Variants in SEPTIN11 observed in about 807,000 individuals in gnomAD.
SEPTIN11 encodes septin-11.
Under a neutral mutation model 51.4 loss-of-function variants are expected in SEPTIN11, and 25 were observed. That is an observed-to-expected ratio of 0.49 (90% CI 0.35 to 0.68). The LOEUF (loss-of-function observed/expected upper bound fraction) is 0.68. SEPTIN11 is among the 30% of genes least tolerant of loss of function. SEPTIN11 has a pLI of 0.00. For missense variants in SEPTIN11, 381 were observed against 520.8 expected, an observed-to-expected ratio of 0.73 and a Z score of 2.61; for synonymous variants, 174 against 184.1, an observed-to-expected ratio of 0.95 and a Z score of 0.44.
intron 1 of SEPTIN11, chr4:76,974,744 G>C: frequency 2.2e-6 from 1 of 456,712 alleles, no homozygotes; most frequent in Non-Finnish European, 4.4e-6. Context: ...CACTGTTGGA[G>C]CTGGGCTGCA....
chr4:77,008,025 T>C (rs906113570), intron 3 of SEPTIN11, among the ~76,000 whole-genome samples: 1 of 152,272 alleles, frequency 6.6e-6, no homozygotes, highest in Non-Finnish European at 1.5e-5. Context: ...AGTTTGTTTA[T>C]GTAGGCTTTG....
intron 3 of SEPTIN11, among the ~76,000 whole-genome samples, chr4:77,010,864 G>C (rs994116080): frequency 6.6e-6 from 1 of 152,218 alleles, no homozygotes; most frequent in Non-Finnish European, 1.5e-5. Flanking sequence ...GAAAGAATTA[G>C]TGGGTTTCCC....
At chr4:77,030,040 C>T (rs953156605) in intron 8 of SEPTIN11, among the ~76,000 whole-genome samples, 1 of 151,844 alleles carries the variant, frequency 6.6e-6, no homozygotes, top group African/African-American at 2.4e-5. Context: ...GGGAGGATCA[C>T]GAGGTCAGGA....
chr4:77,039,157 T>A (rs926592744), downstream of SEPTIN11: 33 of 1,280,556 alleles, frequency 2.6e-5, no homozygotes, highest in Non-Finnish European at 3.3e-5. Flanking sequence ...AGCTGTCTGT[T>A]CACACGTGTT....
rs1473564627 is a variant in SEPTIN11, at chr4:77,034,562, A to G, written c.*50A>G. The stretch of plus-strand genomic sequence containing the variant: ...CGCATTCACCTGCTTTTGCAGTAAT[A>G]TCGTATCTCTGCCATGTGTGTTCTT... On this transcript the variant is annotated 3_prime_UTR_variant, in exon 10 of 10. Transcript: ENST00000264893. The G allele has an allele frequency of 6.6e-7, 1 of 1,511,364 alleles. No individual in the cohort carries two copies. The allele number at this position is 1,511,364 out of a possible 1,614,324, so 93.6% of individuals were successfully genotyped here. A position where few individuals can be genotyped will look rare whatever the true frequency, so the allele number is the denominator to read the frequency against.
At chr4:76,955,888 G>T (rs1721537924) in intron 1 of SEPTIN11, among the ~76,000 whole-genome samples, 1 of 152,160 alleles carries the variant, frequency 6.6e-6, no homozygotes, top group African/African-American at 2.4e-5. Context: ...TATTTTCTTA[G>T]ACCTAAGCAA....
At chr4:77,026,943 A>G (rs928591519) in intron 7 of SEPTIN11, among the ~76,000 whole-genome samples, 1 of 152,192 alleles carries the variant, frequency 6.6e-6, no homozygotes, top group Admixed American at 6.5e-5. Context: ...ATTGCTATTA[A>G]TATTAGCCAA....
downstream of SEPTIN11, chr4:77,039,119 A>C: frequency 7.8e-7 from 1 of 1,289,048 alleles, no homozygotes; most frequent in Non-Finnish European, 1.0e-6. Flanking sequence ...ACTCTCTCCT[A>C]ATGGACATAG....
chr4:77,011,649 G>A, intron 3 of SEPTIN11, 86 bp from the exon 4 acceptor site: 3 of 1,299,990 alleles, frequency 2.3e-6, no homozygotes, highest in South Asian at 2.6e-5. Context: ...TAGCCCTTAG[G>A]AGAGAAGAAG....
In SEPTIN11 at chr4:76,984,241, G is replaced by C. The variant is rs1722913333; in HGVS notation, c.28-12184G>C. Among the ~76,000 whole-genome samples the C allele has an allele frequency of 6.6e-6, 1 of 152,180 alleles. No individual in the cohort carries two copies. Among genetic ancestry groups the C allele is most frequent in the Admixed American group, 6.5e-5 (1 of 15,286 alleles). On this transcript the variant is annotated intron_variant, in intron 1 of 9. Transcript: ENST00000264893. This position sits in a 1 kb window ranked among gnomAD's most constrained non-coding sequence, Gnocchi z 4.1. ...TGGATTAGGAACTGAACATGCCTTGGGAGGAGAAAGCAGCCAGGTTGTGAC... is the reference window on the plus strand; with the variant it reads ...TGGATTAGGAACTGAACATGCCTTGCGAGGAGAAAGCAGCCAGGTTGTGAC...
Position 77,036,983 on chromosome 4 carries a change from A to C in SEPTIN11, c.*2471A>C, listed in dbSNP as rs1306935469. 1 of 1,269,896 alleles carries C rather than the reference A, an allele frequency of 7.9e-7. No individual in the cohort carries two copies. The highest frequency in any genetic ancestry group is 9.9e-7 in the Non-Finnish European group (1 of 1,010,666). The allele number at this position is 1,269,896 out of a possible 1,614,324, so 78.7% of individuals were successfully genotyped here. ...AGCCTTTGTTTAAAAAAAAGACTAA[A>C]TATATTTAAAAGGCCACATTTATAT... On this transcript the variant is annotated 3_prime_UTR_variant, in exon 10 of 10. Coordinates refer to ENST00000264893, the MANE Select transcript of SEPTIN11 (RefSeq NM_018243.4).
intron 2 of SEPTIN11, among the ~76,000 whole-genome samples, chr4:76,997,988 C>A (rs1433601450): frequency 6.6e-6 from 1 of 151,998 alleles, no homozygotes; most frequent in Non-Finnish European, 1.5e-5. Context: ...CTGGTGGGAT[C>A]CTGGTTTAAC....
intron 7 of SEPTIN11, 120 bp from the exon 8 acceptor site, chr4:77,028,509 T>C: frequency 8.9e-7 from 1 of 1,128,006 alleles, no homozygotes; most frequent in Non-Finnish European, 1.3e-6. Context: ...ACTTATGCTT[T>C]GATCTGGCAA....
chr4:76,964,130 A>C (rs1721932317), intron 1 of SEPTIN11, among the ~76,000 whole-genome samples: 1 of 152,190 alleles, frequency 6.6e-6, no homozygotes, highest in African/African-American at 2.4e-5. Context: ...AAAGGACATG[A>C]ACTCATCCTT....
At chr4:76,960,629 G>A (rs1721790216) in intron 1 of SEPTIN11, among the ~76,000 whole-genome samples, 1 of 152,128 alleles carries the variant, frequency 6.6e-6, no homozygotes, top group South Asian at 2.1e-4. Context: ...ATTTATATAG[G>A]GATATTGGAG....
chr4:77,016,645 TATATATATATACAC>T (rs1239291940), intron 5 of SEPTIN11, among the ~76,000 whole-genome samples: 1 of 127,846 alleles, frequency 7.8e-6, no homozygotes, highest in Non-Finnish European at 1.7e-5. Flanking sequence ...TATATATATA[TATATATATATACAC>T]ATATATATAT....
intron 1 of SEPTIN11, chr4:76,973,194 G>C (rs1722325123): frequency 6.6e-6 from 1 of 152,104 alleles, no homozygotes; most frequent in Admixed American, 6.6e-5. Context: ...CCTGTGTGGG[G>C]GGAAACAAAA....
chr4:76,991,710 G>A (rs904029), intron 1 of SEPTIN11, among the ~76,000 whole-genome samples: 79,325 of 151,684 alleles, frequency 0.52, 21,560 homozygotes, highest in Middle Eastern at 0.62. Context: ...ATGCCTTCCC[G>A]TAGTTGACGC....
At chr4:76,961,216 T>G (rs906612939) in intron 1 of SEPTIN11, among the ~76,000 whole-genome samples, 6 of 152,214 alleles carry the variant, frequency 3.9e-5, no homozygotes, top group African/African-American at 1.2e-4. Context: ...TTACCTTTTA[T>G]AATGTAATTC....
Sources: gnomAD v4.1 joint callset for allele counts (sites outside exome capture counted in the v4.1 genomes callset) on GRCh38, gnomAD v4.1.1 for gene constraint, Gnocchi (gnomAD v3.1) non-coding constraint, MANE v1.5 for transcripts, NCBI Gene and HGNC (gene_info 2026-07-23, HGNC 2026-07-21) for gene names.